Variants in ZNF646 observed in about 807,000 individuals in gnomAD.
The protein encoded by ZNF646 is zinc finger protein 646.
ZNF646 carries 49 observed loss-of-function variants against 115.4 expected under a neutral mutation model. The ratio of observed to expected loss-of-function variants is 0.42; its 90% confidence interval spans 0.34 to 0.54. The LOEUF is 0.54. ZNF646 is among the 20% of genes least tolerant of loss of function. The pLI is 0.04. For missense variants in ZNF646, 2,269 were observed against 2,457.9 expected (o/e 0.92, Z 1.62); for synonymous variants, 933 against 939.0 (o/e 0.99, Z 0.12).
In ZNF646 at chr16:31,083,831, G is replaced by T. The variant is rs769868163; in HGVS notation, c.*739G>T. 1.7e-5 allele frequency: 28 copies of T among 1,613,862 alleles called. No homozygotes were observed. In the South Asian group the frequency reaches 2.9e-4, roughly 16 times the overall value. ...TGGCCTGTGGGGAAGGAAGGAGGGTGGAGTTGTCCTCATCCTCACGGCTTT... is the reference window on the plus strand; with the variant it reads ...TGGCCTGTGGGGAAGGAAGGAGGGTTGAGTTGTCCTCATCCTCACGGCTTT... On this transcript the variant is annotated 3_prime_UTR_variant, in exon 3 of 3. Coordinates refer to ENST00000300850, the MANE Select transcript of ZNF646 (RefSeq NM_014699.4).
In ZNF646 at chr16:31,076,713, G is replaced by C. The variant is rs746709577; in HGVS notation, c.389G>C (p.Arg130Thr). The change falls in exon 2 of 3, where the codon AGG becomes ACG. Residue 130 changes from arginine (R) to threonine (T), a missense_variant. By Grantham distance (71) the Arg-to-Thr change is moderately conservative. Coordinates refer to ENST00000300850, the MANE Select transcript of ZNF646 (RefSeq NM_014699.4). ...GTGTCCACTGACTCCTGGGGCCAAA[G>C]GCTTGGCTCTAGTGAAGGCTGGGAA... ...ETVSTDSWGQRLGSSEGWENQ... is the reference protein window; with the variant it reads ...ETVSTDSWGQTLGSSEGWENQ... 5 of 1,613,584 alleles carry C rather than the reference G, an allele frequency of 3.1e-6. No homozygotes were observed. The highest frequency in any genetic ancestry group is 4.2e-6 in the Non-Finnish European group (5 of 1,180,034).
chr16:31,078,631 TGAC>T lies in ZNF646; in HGVS notation c.2308_2310del (p.Asp770del). 1 of 1,614,084 alleles carries T rather than the reference TGAC, an allele frequency of 6.2e-7. No individual in the cohort carries two copies. Among genetic ancestry groups the T allele is most frequent in the East Asian group, 2.2e-5 (1 of 44,884 alleles). The stretch of plus-strand genomic sequence containing the variant: ...TGGAAAGGAAGGATGCCAGTTTACT[TGAC>T]AACTTGGACATCCCAGGTGAGGAAG... On this transcript the variant is annotated inframe_deletion, in exon 2 of 3. Transcript: ENST00000300850.
Position 31,081,686 on chromosome 16 carries a change from A to C in ZNF646, c.5362A>C (p.Thr1788Pro), listed in dbSNP as rs2057161563. ...CCAGCAGCAGCACCAGGAGGAGTGG[A>C]CGGTGGCCGGCTCCGGTAGGGGGCA... ...QHQQQHQEEW[T>P]VAGSGAPVAP... The change falls in exon 2 of 3, where the codon ACG becomes CCG. Residue 1788 changes from threonine (T) to proline (P), a missense_variant. By Grantham distance (38) the Thr-to-Pro change is conservative (BLOSUM62 -1). Around this residue, in one of 5 missense-constraint regions of ZNF646, gnomAD observed 1,062 missense variants for 1,172.8 expected, o/e 0.91. Coordinates refer to ENST00000300850, the MANE Select transcript of ZNF646 (RefSeq NM_014699.4). 1 of 1,590,498 alleles carries C rather than the reference A, an allele frequency of 6.3e-7. No homozygotes were observed. Among genetic ancestry groups the C allele is most frequent in the Non-Finnish European group, 8.6e-7 (1 of 1,166,294 alleles).
Position 31,077,881 on chromosome 16 carries a change from C to T in ZNF646, c.1557C>T (p.Arg519=). The T allele has an allele frequency of 6.2e-7, 1 of 1,613,740 alleles. No individual in the cohort carries two copies. The highest frequency in any genetic ancestry group is 8.5e-7 in the Non-Finnish European group (1 of 1,180,030). ...NHVRVHCKAA[R]RSADIGAEGA... Reference sequence around the variant, plus strand: ...TGCGGGTACATTGCAAGGCTGCTCGCCGAAGTGCAGACATCGGGGCTGAGG... The same window carrying T: ...TGCGGGTACATTGCAAGGCTGCTCGTCGAAGTGCAGACATCGGGGCTGAGG... Residue 519 remains arginine, a synonymous_variant, in exon 2 of 3, where the codon CGC becomes CGT. Transcript: ENST00000300850.
In ZNF646 at chr16:31,083,602, C is replaced by T. The variant is rs2057194036; in HGVS notation, c.*510C>T. 1.2e-5 allele frequency: 18 copies of T among 1,476,178 alleles called. No individual in the cohort carries two copies. The highest frequency in any genetic ancestry group is 1.6e-5 in the Non-Finnish European group (18 of 1,107,354). 91.4% of individuals were successfully genotyped at this position (1,476,178 alleles called of 1,614,324 possible). A position where few individuals can be genotyped will look rare whatever the true frequency, so the allele number is the denominator to read the frequency against. On this transcript the variant is annotated 3_prime_UTR_variant, in exon 3 of 3. Coordinates refer to ENST00000300850, the MANE Select transcript of ZNF646 (RefSeq NM_014699.4). ...GCAGAGTTGGGTGTGGGAGTGTCCA[C>T]AGACACCCCTGTCCTGCAGGGTGGG...
chr16:31,082,145 G>A (rs757300698), intron 2 of ZNF646: 1 of 228,644 alleles, frequency 4.4e-6, no homozygotes, highest in Non-Finnish European at 9.2e-6. Context: ...CCGGGTGCCA[G>A]GGAACAAGGG....
upstream of ZNF646, chr16:31,072,716 G>A (rs2057024617): frequency 3.3e-5 from 5 of 152,460 alleles, no homozygotes; most frequent in South Asian, 8.3e-4. Context: ...TACCGGGCCA[G>A]TTCACAACCT....
chr16:31,082,635 T>A (rs1388033213), intron 2 of ZNF646: 1 of 329,666 alleles, frequency 3.0e-6, no homozygotes, highest in East Asian at 9.6e-5. Context: ...CCACCTCCCC[T>A]AGTAGAGGCG....
At position 31,083,975 on chromosome 16, in the gene ZNF646, A is replaced by G. The variant is rs987658583; in HGVS notation, c.*883A>G. ...CCTGCTCCAAGTCACACGATGACAAAGAACCAGAATCTGAATCAAATGGGT... is the reference window on the plus strand; with the variant it reads ...CCTGCTCCAAGTCACACGATGACAAGGAACCAGAATCTGAATCAAATGGGT... On this transcript the variant is annotated 3_prime_UTR_variant, in exon 3 of 3. Coordinates refer to ENST00000300850, the MANE Select transcript of ZNF646 (RefSeq NM_014699.4). 49 of 1,500,954 alleles carry G rather than the reference A, an allele frequency of 3.3e-5. No individual in the cohort carries two copies. The African/African-American group carries it at 6.3e-4, about 19-fold the overall frequency. 93.0% of individuals were successfully genotyped at this position (1,500,954 alleles called of 1,614,324 possible).
chr16:31,073,269 T>C (rs1415674342), upstream of ZNF646: 1 of 152,378 alleles, frequency 6.6e-6, no homozygotes, highest in African/African-American at 2.4e-5. Flanking sequence ...CAAGATGGCG[T>C]TCTCTAGGAC....
rs781452728 is a variant in ZNF646, at chr16:31,081,400, G to A, written c.5076G>A (p.Leu1692=). Residue 1692 remains leucine (L), a synonymous_variant, in exon 2 of 3, where the codon CTG becomes CTA. Transcript: ENST00000300850. ...GCTCCTACCGCCATGCTGGCAGCCT[G>A]CTGAACCACCAGAAGGCCCACACCA... is the stretch of plus-strand genomic sequence containing the variant. ...CGRSYRHAGS[L]LNHQKAHTTG... is the part of the protein sequence containing the mutation. The A allele has an allele frequency of 1.1e-5, 17 of 1,611,606 alleles. No individual in the cohort carries two copies. The highest frequency in any genetic ancestry group is 2.2e-5 in the East Asian group (1 of 44,776).
chr16:31,083,550 G>A lies in ZNF646; in HGVS notation c.*458G>A, dbSNP rs1396114347. 7.0e-7 allele frequency: 1 copy of A among 1,430,302 alleles called. No homozygotes were observed. The highest frequency in any genetic ancestry group is 9.2e-7 in the Non-Finnish European group (1 of 1,088,614). 88.6% of individuals were successfully genotyped at this position (1,430,302 alleles called of 1,614,324 possible). A position where few individuals can be genotyped will look rare whatever the true frequency, so the allele number is the denominator to read the frequency against. ...GATTGTATCTGAAAGGGTAAAGGAG[G>A]AGGAAAGCTGAGACGCCTGCTTGGT... On this transcript the variant is annotated 3_prime_UTR_variant, in exon 3 of 3. Coordinates refer to ENST00000300850, the MANE Select transcript of ZNF646 (RefSeq NM_014699.4).
At chr16:31,076,176 T>C in intron 1 of ZNF646, 70 bp from the exon 2 acceptor site, 2 of 1,082,774 alleles carry the variant, frequency 1.8e-6, no homozygotes, top group Non-Finnish European at 1.3e-6. Context: ...TCAGGTGAAC[T>C]TGTTGCTCGT....
chr16:31,076,544 CT>C lies in ZNF646; in HGVS notation c.224del (p.Phe75SerfsTer20). ...CCATCGTCGGACCCACGAGACTGGC[CT>C]TTTCCCCTGTACCACCTGTGGCAAG... Reference protein sequence around the residue: ...VNHRRTHETGLFPCTTCGKDF... With the variant: ...VNHRRTHETGXFPCTTCGKDF... On this transcript the variant is annotated frameshift_variant, in exon 2 of 3. Transcript: ENST00000300850. LOFTEE classifies it high-confidence loss of function. The C allele has an allele frequency of 6.2e-7, 1 of 1,612,680 alleles. No homozygotes were observed. The highest frequency in any genetic ancestry group is 8.5e-7 in the Non-Finnish European group (1 of 1,179,024).
In ZNF646 at chr16:31,075,087, T is replaced by A. The variant is rs959923308; in HGVS notation, c.-80+456T>A. 2.6e-5 allele frequency among the ~76,000 whole-genome samples: 4 copies of A among 152,120 alleles called. No homozygotes were observed. In the East Asian group the frequency reaches 7.7e-4, roughly 29 times the overall value. On this transcript the variant is annotated intron_variant, in intron 1 of 2. Coordinates refer to ENST00000300850, the MANE Select transcript of ZNF646 (RefSeq NM_014699.4). ...CAGTGCCTGGCACATGGTAATATAATACTCTTCATGAGTTGCTGTCATCAT... is the reference window on the plus strand; with the variant it reads ...CAGTGCCTGGCACATGGTAATATAAAACTCTTCATGAGTTGCTGTCATCAT...
rs761085293 is a variant in ZNF646 at position 31,078,322 on chromosome 16, C to T, written c.1998C>T (p.His666=). The change falls in exon 2 of 3, where the codon CAC becomes CAT. Residue 666 remains histidine (H), a synonymous_variant. Coordinates refer to ENST00000300850, the MANE Select transcript of ZNF646 (RefSeq NM_014699.4). The stretch of plus-strand genomic sequence containing the variant: ...CCATGAAGAACCACTTGCGCCGGCA[C>T]AGTCGGCGGCGGAGCAGGCGGCATC... ...MAAMKNHLRR[H]SRRRSRRHRK... The T allele has an allele frequency of 4.3e-6, 7 of 1,613,600 alleles. No individual in the cohort carries two copies. The highest frequency in any genetic ancestry group is 1.1e-5 in the South Asian group (1 of 91,080).
At chr16:31,072,688 A>T (rs2057024397), upstream of ZNF646, 1 of 152,262 alleles carries the variant, frequency 6.6e-6, no homozygotes, top group Non-Finnish European at 1.5e-5. Flanking sequence ...GTGAGCGCTA[A>T]TCATATCCTA....
Position 31,080,254 on chromosome 16 carries a change from C to T in ZNF646, c.3930C>T (p.His1310=), listed in dbSNP as rs750439963. ...RCGQCGRTYR[H]AGSLLNHRRS... is the part of the protein sequence containing the mutation. The stretch of plus-strand genomic sequence containing the variant: ...GGCAGTGCGGGCGGACCTATCGCCA[C>T]GCCGGCAGCCTCCTGAACCACCGGC... Residue 1310 remains histidine (H), a synonymous_variant, in exon 2 of 3, where the codon CAC becomes CAT. Coordinates refer to ENST00000300850, the MANE Select transcript of ZNF646 (RefSeq NM_014699.4). The T allele has an allele frequency of 3.1e-5, 50 of 1,612,236 alleles. No homozygotes were observed. The highest frequency in any genetic ancestry group is 4.5e-5 in the East Asian group (2 of 44,886).
chr16:31,077,990 T>C lies in ZNF646; in HGVS notation c.1666T>C (p.Cys556Arg). 1 of 1,614,000 alleles carries C rather than the reference T, an allele frequency of 6.2e-7. No individual in the cohort carries two copies. Among genetic ancestry groups the C allele is most frequent in the Non-Finnish European group, 8.5e-7 (1 of 1,180,024 alleles). Residue 556 changes from cysteine to arginine, a missense_variant, in exon 2 of 3, where the codon TGC becomes CGC. Around this residue, in one of 5 missense-constraint regions of ZNF646, gnomAD observed 852 missense variants for 900.2 expected, o/e 0.95. Transcript: ENST00000300850. ...CCCGCACACAGATCAGGACCATGTG[T>C]GCAAACATGAAGAAGAGGCCACGGA... Reference protein sequence around the residue: ...AAPHTDQDHVCKHEEEATDIT... With the variant: ...AAPHTDQDHVRKHEEEATDIT...
Sources: allele counts gnomAD v4.1 joint callset (sites outside exome capture counted in the v4.1 genomes callset), GRCh38; gene constraint gnomAD v4.1.1; regional missense constraint gnomAD v4.1.1; transcripts MANE v1.5; gene names NCBI Gene and HGNC (gene_info 2026-07-23, HGNC 2026-07-21).